The following KCNH7 variants were observed in gnomAD, a reference collection of about 807,000 sequenced individuals.
The protein encoded by KCNH7 is potassium voltage-gated channel subfamily H member 7.
Under a neutral mutation model 120.8 loss-of-function variants are expected in KCNH7, and 49 were observed. The ratio of observed to expected loss-of-function variants is 0.41; its 90% confidence interval spans 0.32 to 0.51. KCNH7 has a LOEUF of 0.51. Among genes scored for constraint, KCNH7 ranks in the 20% least tolerant of loss-of-function variants. The probability of loss-of-function intolerance (pLI) is 0.38; values close to 1 mark genes in which losing one functional copy is unlikely to be tolerated. For missense variants in KCNH7, 1,097 were observed against 1,446.6 expected (o/e 0.76, Z 3.92); for synonymous variants, 547 against 516.1 (o/e 1.06, Z -0.81).
Position 162,435,469 on chromosome 2 carries a change from C to T in KCNH7, c.1683G>A (p.Leu561=). ...VLMLLMCIFA[L]IAHWLACIWY... ...AAATGCAAGCCAGCCAGTGAGCAAT[C>T]AGGGCAAAGATGCACATTAAGAGCA... The change falls in exon 8 of 16, where the codon CTG becomes CTA. Residue 561 remains leucine (L), a synonymous_variant. Coordinates refer to ENST00000332142, the MANE Select transcript of KCNH7 (RefSeq NM_033272.4). The T allele has an allele frequency of 6.2e-7, 1 of 1,613,784 alleles. No homozygotes were observed. The highest frequency in any genetic ancestry group is 1.1e-5 in the South Asian group (1 of 91,070).
chr2:162,414,956 T>C (rs539496807), intron 9 of KCNH7, among the ~76,000 whole-genome samples: 150 of 152,136 alleles, frequency 9.9e-4, no homozygotes, highest in South Asian at 2.3e-3. Flanking sequence ...GTAATCCACC[T>C]GCTATCCAGA....
At chr2:162,807,455 C>G (rs544844903) in intron 2 of KCNH7, among the ~76,000 whole-genome samples, 1 of 151,132 alleles carries the variant, frequency 6.6e-6, no homozygotes, top group Non-Finnish European at 1.5e-5. Flanking sequence ...AGAAAACAAC[C>G]CAACAAGACA....
At chr2:162,383,076 G>A (rs1304582578) in intron 13 of KCNH7, among the ~76,000 whole-genome samples, 1 of 151,884 alleles carries the variant, frequency 6.6e-6, no homozygotes, top group African/African-American at 2.4e-5. Context: ...AGTATATGAA[G>A]AAGGGCATGA....
intron 6 of KCNH7, among the ~76,000 whole-genome samples, chr2:162,499,990 T>C (rs1690621595): frequency 6.6e-6 from 1 of 151,946 alleles, no homozygotes; most frequent in Admixed American, 6.6e-5. Context: ...CATAGAAAAA[T>C]ACTTTACATT....
intron 2 of KCNH7, among the ~76,000 whole-genome samples, chr2:162,804,319 GA>G (rs1043365121): frequency 6.6e-6 from 1 of 151,680 alleles, no homozygotes; most frequent in Non-Finnish European, 1.5e-5. Context: ...GATATACCTA[GA>G]AAACCCTACA....
intron 2 of KCNH7, among the ~76,000 whole-genome samples, chr2:162,550,494 T>A (rs1181288517): frequency 6.6e-6 from 1 of 152,164 alleles, no homozygotes; most frequent in Admixed American, 6.5e-5. Context: ...TGGTTTCATC[T>A]TTCACTGAGG....
At chr2:162,766,713 A>C (rs1288288445) in intron 2 of KCNH7, among the ~76,000 whole-genome samples, 1 of 152,156 alleles carries the variant, frequency 6.6e-6, no homozygotes, top group East Asian at 1.9e-4. Context: ...TCATATGGGC[A>C]ATATCTTAAA....
At chr2:162,526,539 T>G (rs1368760010) in intron 3 of KCNH7, among the ~76,000 whole-genome samples, 8 of 151,956 alleles carry the variant, frequency 5.3e-5, no homozygotes, top group Non-Finnish European at 1.0e-4. Context: ...ATTCTGTTTC[T>G]CAGGGATGTT....
chr2:162,818,474 C>A (rs902184227), intron 2 of KCNH7, among the ~76,000 whole-genome samples: 2 of 152,040 alleles, frequency 1.3e-5, no homozygotes, highest in African/African-American at 4.8e-5. Flanking sequence ...AAACTGTTAT[C>A]ATTACTATGG....
intron 2 of KCNH7, among the ~76,000 whole-genome samples, chr2:162,830,636 G>A (rs531495801): frequency 6.6e-6 from 1 of 152,178 alleles, no homozygotes; most frequent in Non-Finnish European, 1.5e-5. Flanking sequence ...TCATACATTC[G>A]AACTTCAACC....
intron 12 of KCNH7, among the ~76,000 whole-genome samples, chr2:162,393,829 G>A (rs928894129): frequency 2.4e-4 from 36 of 152,110 alleles, no homozygotes; most frequent in African/African-American, 8.2e-4. Context: ...TAGGGAAGAT[G>A]AGGGATATTG....
intron 2 of KCNH7, among the ~76,000 whole-genome samples, chr2:162,752,902 G>GAAAAAAGAAAGAAAAGAAA (rs140501872): frequency 1.6e-5 from 1 of 61,218 alleles, no homozygotes; most frequent in Non-Finnish European, 2.7e-5. Context: ...CTACATCTCA[G>GAAAAAAGAAAGAAAAGAAA]AAAAAGAAAA....
At chr2:162,765,068 T>C (rs1035528080) in intron 2 of KCNH7, among the ~76,000 whole-genome samples, 1 of 151,832 alleles carries the variant, frequency 6.6e-6, no homozygotes, top group Non-Finnish European at 1.5e-5. Context: ...AGGAGAAGGG[T>C]AAGGAAGGAG....
At chr2:162,728,952 C>A (rs1202206749) in intron 2 of KCNH7, among the ~76,000 whole-genome samples, 1 of 151,712 alleles carries the variant, frequency 6.6e-6, no homozygotes, top group Non-Finnish European at 1.5e-5. Flanking sequence ...GATCAATGAT[C>A]TATTTTGAGT....
At chr2:162,444,768 G>A (rs946606786) in intron 7 of KCNH7, among the ~76,000 whole-genome samples, 3 of 152,064 alleles carry the variant, frequency 2.0e-5, no homozygotes, top group African/African-American at 7.2e-5. Context: ...GAAACTCAAA[G>A]ATATATATTA....
intron 2 of KCNH7, among the ~76,000 whole-genome samples, chr2:162,834,435 G>T (rs1479063607): frequency 6.6e-6 from 1 of 152,036 alleles, no homozygotes; most frequent in Non-Finnish European, 1.5e-5. Flanking sequence ...TAACGCTAAA[G>T]ATATTCAAAT....
At chr2:162,753,184 G>A (rs868476057) in intron 2 of KCNH7, among the ~76,000 whole-genome samples, 7 of 151,578 alleles carry the variant, frequency 4.6e-5, no homozygotes, top group Non-Finnish European at 7.4e-5. Context: ...TTTGCTCATC[G>A]TGAGAATGGA....
At chr2:162,473,656 C>T (rs1032003161) in intron 6 of KCNH7, among the ~76,000 whole-genome samples, 3 of 152,144 alleles carry the variant, frequency 2.0e-5, no homozygotes, top group Admixed American at 2.0e-4. Context: ...ATGCCAGGCA[C>T]TGGGCTAGGC....
At chr2:162,451,876 A>C (rs1383238876) in intron 6 of KCNH7, among the ~76,000 whole-genome samples, 1 of 152,036 alleles carries the variant, frequency 6.6e-6, no homozygotes, top group Non-Finnish European at 1.5e-5. Flanking sequence ...TATTGGGAAA[A>C]GTAGAAGCAG....
Sources: gnomAD v4.1 joint callset for allele counts (sites outside exome capture counted in the v4.1 genomes callset) on GRCh38, gnomAD v4.1.1 for gene constraint, MANE v1.5 for transcripts, NCBI Gene and HGNC (gene_info 2026-07-23, HGNC 2026-07-21) for gene names.